PAK4: variants seen among roughly 807,000 people sequenced by gnomAD.
PAK4 encodes the protein serine/threonine-protein kinase PAK 4.
A neutral mutation model predicts 53.5 loss-of-function variants in PAK4; 49 were observed. That is an observed-to-expected ratio of 0.92 (90% CI 0.73 to 1.16). PAK4 has a LOEUF of 1.16. PAK4 is among the 50% of genes most tolerant of loss of function. The pLI is 0.00. For synonymous variants in PAK4, 376 were observed against 375.6 expected, an observed-to-expected ratio of 1.00 and a Z score of -0.01; for missense variants, 824 against 850.7, an observed-to-expected ratio of 0.97 and a Z score of 0.39.
At chr19:39,149,520 A>C (rs2074059685) in intron 1 of PAK4, among the ~76,000 whole-genome samples, 3 of 152,176 alleles carry the variant, frequency 2.0e-5, no homozygotes, top group South Asian at 4.1e-4. Context: ...TAAGAGGTTG[A>C]GTTCAGCCTG....
intron 1 of PAK4, among the ~76,000 whole-genome samples, chr19:39,149,186 T>C (rs566952863): frequency 6.6e-6 from 1 of 152,320 alleles, no homozygotes; most frequent in East Asian, 1.9e-4. Context: ...CGAACAGATA[T>C]TTGTACACCC....
At chr19:39,131,952 C>G (rs1025079553) in intron 1 of PAK4, among the ~76,000 whole-genome samples, 6 of 152,160 alleles carry the variant, frequency 3.9e-5, no homozygotes, top group Non-Finnish European at 8.8e-5. Flanking sequence ...CGTGCTTAGC[C>G]CGATGCTCAG....
intron 1 of PAK4, among the ~76,000 whole-genome samples, chr19:39,152,738 A>G (rs140560434): frequency 6.6e-6 from 1 of 151,734 alleles, no homozygotes; most frequent in Non-Finnish European, 1.5e-5. Context: ...ACGTGTTCCA[A>G]CTGATGGCAA....
At chr19:39,172,924 G>A (rs765366293) in exon 3 of PAK4, 20 of 1,534,374 alleles carry the variant, frequency 1.3e-5, no homozygotes, top group Admixed American at 5.9e-5. Flanking sequence ...CCAGACCATC[G>A]TGCGGGGCAG....
intron 1 of PAK4, among the ~76,000 whole-genome samples, chr19:39,159,058 A>G (rs1191880020): frequency 6.6e-6 from 1 of 152,142 alleles, no homozygotes; most frequent in Non-Finnish European, 1.5e-5. Flanking sequence ...CTCGTCCAAC[A>G]TGCTCAGGAG....
At chr19:39,166,399 G>A (rs995612805) in intron 1 of PAK4, among the ~76,000 whole-genome samples, 17 of 152,248 alleles carry the variant, frequency 1.1e-4, no homozygotes, top group Admixed American at 2.0e-4. Context: ...AGCCAAGATC[G>A]CACCACTGCA....
Position 39,173,676 on chromosome 19 carries a change from G to T in PAK4, c.764G>T (p.Gly255Val), listed in dbSNP as rs1182089317. Residue 255 changes from glycine to valine, a missense_variant, in exon 4 of 9, where the codon GGT becomes GTT. Physicochemically the swap from Gly to Val is moderately radical, Grantham distance 109. Coordinates refer to ENST00000358301, the Ensembl canonical transcript of PAK4. This position sits in a 1 kb window ranked among gnomAD's most constrained non-coding sequence, Gnocchi z 6.9. ...TCCCGGCCTCCCACCCGAGCCCGAG[G>T]TGCCCCCAGCCCTGGAGTGCTGGGA... 1.3e-6 allele frequency: 2 copies of T among 1,584,692 alleles called. No individual in the cohort carries two copies. Among genetic ancestry groups the T allele is most frequent in the African/African-American group, 1.4e-5 (1 of 74,022 alleles).
chr19:39,165,808 A>G (rs1164857246), intron 1 of PAK4, among the ~76,000 whole-genome samples: 1 of 152,198 alleles, frequency 6.6e-6, no homozygotes, highest in East Asian at 1.9e-4. Context: ...GATTAGACGC[A>G]CAGCAGGGCC....
exon 2 of PAK4, chr19:39,169,661 C>G: frequency 6.2e-7 from 1 of 1,613,550 alleles, no homozygotes; most frequent in South Asian, 1.1e-5. Context: ...CGGGGCTGCC[C>G]CGCCAGTGGC....
downstream of PAK4, chr19:39,179,608 C>T (rs2074679559): frequency 6.6e-6 from 1 of 152,238 alleles, no homozygotes; most frequent in South Asian, 2.1e-4. Flanking sequence ...AGGATTGTCC[C>T]CACCCCTGGA....
At chr19:39,129,492 G>A (rs549846717) in intron 1 of PAK4, among the ~76,000 whole-genome samples, 1 of 152,166 alleles carries the variant, frequency 6.6e-6, no homozygotes, top group African/African-American at 2.4e-5. Flanking sequence ...GCCAAGTCAT[G>A]CCCCCAGTGG....
intron 4 of PAK4, 130 bp downstream of exon 5, chr19:39,174,140 C>T (rs1263891620): frequency 2.3e-5 from 15 of 666,116 alleles, no homozygotes; most frequent in Non-Finnish European, 3.9e-5. Context: ...TCACTCTTCT[C>T]CCTCCCCAGG....
At position 39,175,089 on chromosome 19, in the gene PAK4, C is replaced by T. The variant is rs769635579; in HGVS notation, c.1232+25C>T. 4.4e-6 allele frequency: 7 copies of T among 1,589,616 alleles called. No homozygotes were observed. In the Admixed American group the frequency reaches 1.2e-4, roughly 27 times the overall value. ...GGTATTTCTGGGGCCTCAGACCCCT[C>T]CTGTGACACGACCAAGTCCCCTCCA... On this transcript the variant is annotated intron_variant, in intron 5 of 8. Coordinates refer to ENST00000358301, the Ensembl canonical transcript of PAK4. This position sits in a 1 kb window ranked among gnomAD's most constrained non-coding sequence, Gnocchi z 4.7.
At position 39,151,361 on chromosome 19, in the gene PAK4, C is replaced by T. The variant is rs558612441; in HGVS notation, c.-22-18171C>T. Among the ~76,000 whole-genome samples, 14 of 152,346 alleles carry T rather than the reference C, an allele frequency of 9.2e-5. No homozygotes were observed. The East Asian group carries it at 1.2e-3, about 13-fold the overall frequency. ...CAGCAGAGATCAGAGAGACTGGCCACGCCCCGTGCTGCAAGGCCGAGGGGA... is the reference window on the plus strand; with the variant it reads ...CAGCAGAGATCAGAGAGACTGGCCATGCCCCGTGCTGCAAGGCCGAGGGGA... On this transcript the variant is annotated intron_variant, in intron 1 of 8. Coordinates refer to ENST00000358301, the Ensembl canonical transcript of PAK4.
intron 1 of PAK4, among the ~76,000 whole-genome samples, chr19:39,138,129 C>T (rs2073850967): frequency 6.6e-6 from 1 of 152,158 alleles, no homozygotes; most frequent in Admixed American, 6.6e-5. Flanking sequence ...CAGGTACACG[C>T]CACCACCCTG....
intron 1 of PAK4, among the ~76,000 whole-genome samples, chr19:39,154,523 T>C (rs1284650449): frequency 6.6e-6 from 1 of 152,160 alleles, no homozygotes; most frequent in African/African-American, 2.4e-5. Context: ...CAGTTTACCC[T>C]TTGGTGCCTT....
At chr19:39,169,497 G>A (rs759477505) in intron 1 of PAK4, 35 bp from the exon 3 acceptor site, 1 of 1,451,580 alleles carries the variant, frequency 6.9e-7, no homozygotes. Context: ...GACATGGGCA[G>A]GCTCTCACTC....
chr19:39,151,228 G>T (rs1393980260), intron 1 of PAK4, among the ~76,000 whole-genome samples: 1 of 152,214 alleles, frequency 6.6e-6, no homozygotes, highest in Non-Finnish European at 1.5e-5. Context: ...TAGACACTTA[G>T]CGGAAGAGGA....
At chr19:39,159,144 C>T (rs749974785) in intron 1 of PAK4, among the ~76,000 whole-genome samples, 2 of 152,124 alleles carry the variant, frequency 1.3e-5, no homozygotes, top group African/African-American at 2.4e-5. Context: ...TGTCCAGGGG[C>T]ACACAGCTTG....
Sources: allele counts gnomAD v4.1 joint callset (sites outside exome capture counted in the v4.1 genomes callset), GRCh38; gene constraint gnomAD v4.1.1; non-coding constraint Gnocchi (gnomAD v3.1); transcripts MANE v1.5; gene names NCBI Gene and HGNC (gene_info 2026-07-23, HGNC 2026-07-21).